PCDHGA5: variants seen among roughly 807,000 people sequenced by gnomAD.
PCDHGA5 encodes protocadherin gamma subfamily A, 5, also known as protocadherin gamma-A5.
Under a neutral mutation model 56.7 loss-of-function variants are expected in PCDHGA5, and 36 were observed. The ratio of observed to expected loss-of-function variants is 0.64; its 90% CI spans 0.49 to 0.84. PCDHGA5 has a LOEUF of 0.84. Among genes scored for constraint, PCDHGA5 ranks in the 40% least tolerant of loss-of-function variants. The pLI, the probability that PCDHGA5 is intolerant of heterozygous loss-of-function variation, is 0.00. For synonymous variants in PCDHGA5, 563 were observed against 520.2 expected, an observed-to-expected ratio of 1.08 and a Z score of -1.12; for missense variants, 1,305 against 1,201.5, an observed-to-expected ratio of 1.09 and a Z score of -1.27.
At chr5:141,475,512 C>A (rs2099364350) in intron 1 of PCDHGA5, among the ~76,000 whole-genome samples, 2 of 152,326 alleles carry the variant, frequency 1.3e-5, no homozygotes, top group South Asian at 4.1e-4. Context: ...AATGTCTCCA[C>A]GGAAATGCTA....
At position 141,390,471 on chromosome 5, in the gene PCDHGA5, G is replaced by C. The variant is rs969771801; in HGVS notation, c.2421+23720G>C. The C allele has an allele frequency of 7.2e-6, 5 of 697,624 alleles. No homozygotes were observed. The African/African-American group carries it at 9.0e-5, about 13-fold the overall frequency. The allele number at this position is 697,624 out of a possible 1,614,324, so 43.2% of individuals were successfully genotyped here. On this transcript the variant is annotated intron_variant, in intron 1 of 3. Coordinates refer to ENST00000518069, the MANE Select transcript of PCDHGA5 (RefSeq NM_018918.3). ...GGAGTAAAGTAGGAGCAATTGTGTG[G>C]CCCAACATTTGTTTGTTTTTTAGCC... is the stretch of plus-strand genomic sequence containing the variant.
chr5:141,483,472 T>C (rs1457039859), intron 1 of PCDHGA5, among the ~76,000 whole-genome samples: 2 of 152,076 alleles, frequency 1.3e-5, no homozygotes, highest in Non-Finnish European at 2.9e-5. Flanking sequence ...TGACATGATA[T>C]AGGAAGTGAG....
At chr5:141,395,345 A>G in intron 1 of PCDHGA5, 1 of 1,399,052 alleles carries the variant, frequency 7.1e-7, no homozygotes, top group South Asian at 1.5e-5. Flanking sequence ...TTTAAGGTGT[A>G]TCACAGAGTT....
intron 1 of PCDHGA5, chr5:141,409,838 G>A: frequency 1.2e-6 from 2 of 1,611,532 alleles, no homozygotes; most frequent in Non-Finnish European, 1.7e-6. Context: ...CAGCGCCAAC[G>A]TGAGCCTGCG....
At chr5:141,406,173 T>C (rs1317526026) in intron 1 of PCDHGA5, among the ~76,000 whole-genome samples, 2 of 151,712 alleles carry the variant, frequency 1.3e-5, no homozygotes, top group African/African-American at 4.8e-5. Context: ...CCTGGGCTTA[T>C]GCAATCCTCC....
rs755602367 is a variant in PCDHGA5, at chr5:141,415,231, G to A, written c.2421+48480G>A. ...GGACCTCGGCAGCTTCGAGTCTCCA[G>A]CTAACTCTGAAACCTCAGACCTCAC... On this transcript the variant is annotated intron_variant, in intron 1 of 3. Transcript: ENST00000518069. 2.1e-5 allele frequency: 34 copies of A among 1,614,042 alleles called. No homozygotes were observed. The South Asian group carries it at 3.2e-4, about 15-fold the overall frequency.
At chr5:141,400,097 A>C (rs753507768) in intron 1 of PCDHGA5, 1 of 1,614,048 alleles carries the variant, frequency 6.2e-7, no homozygotes, top group South Asian at 1.1e-5. Context: ...GCCACGCTGC[A>C]CTTGGTCTTT....
intron 1 of PCDHGA5, among the ~76,000 whole-genome samples, chr5:141,452,072 G>A (rs550370876): frequency 1.3e-5 from 2 of 152,272 alleles, no homozygotes; most frequent in East Asian, 1.9e-4. Flanking sequence ...ACTTTTATTA[G>A]TTGGCATTAT....
At chr5:141,510,132 G>A (rs920772998) in intron 3 of PCDHGA5, among the ~76,000 whole-genome samples, 2 of 152,120 alleles carry the variant, frequency 1.3e-5, no homozygotes, top group African/African-American at 4.8e-5. Context: ...AAATTAGCTG[G>A]GCTAGTGGTG....
At chr5:141,398,698 T>C (rs2093690457) in intron 1 of PCDHGA5, 2 of 1,613,680 alleles carry the variant, frequency 1.2e-6, no homozygotes, top group Admixed American at 1.7e-5. Flanking sequence ...TGGTAGTAAA[T>C]ACCCGGAACT....
intron 2 of PCDHGA5, among the ~76,000 whole-genome samples, chr5:141,499,772 C>T (rs1217675128): frequency 1.0e-4 from 15 of 147,946 alleles, no homozygotes; most frequent in Admixed American, 9.0e-4. Context: ...CTGCAGCCTT[C>T]GCCTCCCGGG....
chr5:141,365,660 G>A lies in PCDHGA5; in HGVS notation c.1330G>A (p.Asp444Asn), dbSNP rs752963380. The A allele has an allele frequency of 1.2e-6, 2 of 1,613,380 alleles. No homozygotes were observed. The highest frequency in any genetic ancestry group is 1.7e-6 in the Non-Finnish European group (2 of 1,179,784). The part of the protein sequence containing the change: ...TESHIPLKVA[D>N]VNDNPPNFPQ... Reference sequence around the variant, plus strand: ...AAGCCACATCCCCTTGAAAGTAGCAGACGTTAATGACAACCCACCCAATTT... The same window carrying A: ...AAGCCACATCCCCTTGAAAGTAGCAAACGTTAATGACAACCCACCCAATTT... The change falls in exon 1 of 4, where the codon GAC becomes AAC. Residue 444 changes from aspartate (D) to asparagine (N), a missense_variant. Physicochemically the swap from Asp to Asn is conservative, Grantham distance 23 (BLOSUM62 1). Transcript: ENST00000518069.
intron 3 of PCDHGA5, 133 bp downstream of exon 3, chr5:141,505,614 AC>A: frequency 6.6e-7 from 1 of 1,510,758 alleles, no homozygotes; most frequent in Non-Finnish European, 8.9e-7. Flanking sequence ...GTCTGAAAGG[AC>A]CCACAATTCC....
chr5:141,458,949 T>A (rs948180008), intron 1 of PCDHGA5, among the ~76,000 whole-genome samples: 1 of 151,814 alleles, frequency 6.6e-6, no homozygotes, highest in East Asian at 1.9e-4. Flanking sequence ...CTTAGGTTGG[T>A]CACAAATTCA....
intron 1 of PCDHGA5, chr5:141,388,406 C>T (rs770065402): frequency 1.9e-6 from 3 of 1,613,842 alleles, no homozygotes; most frequent in Non-Finnish European, 2.5e-6. Context: ...AACTCAGTCC[C>T]AGTGATCATT....
At position 141,487,025 on chromosome 5, in the gene PCDHGA5, C is replaced by T. The variant is rs769789352; in HGVS notation, c.2422-7782C>T. On this transcript the variant is annotated intron_variant, in intron 1 of 3. Transcript: ENST00000518069. This position sits in a 1 kb window ranked among gnomAD's most constrained non-coding sequence, Gnocchi z 5.0. ...GCTCCTGGAGGCCCCAGATCCCAGCCTGTTTGCAGTCTCTCGATATGCTGG... is the reference window on the plus strand; with the variant it reads ...GCTCCTGGAGGCCCCAGATCCCAGCTTGTTTGCAGTCTCTCGATATGCTGG... 1.9e-6 allele frequency: 3 copies of T among 1,614,216 alleles called. No homozygotes were observed. Among genetic ancestry groups the T allele is most frequent in the Non-Finnish European group, 2.5e-6 (3 of 1,180,050 alleles).
chr5:141,388,889 C>A, intron 1 of PCDHGA5: 2 of 1,613,954 alleles, frequency 1.2e-6, no homozygotes, highest in Non-Finnish European at 1.7e-6. Flanking sequence ...AGGTAGAAGT[C>A]ATAGATGAAA....
At chr5:141,405,261 T>A (rs1445565178) in intron 1 of PCDHGA5, 1 of 1,613,852 alleles carries the variant, frequency 6.2e-7, no homozygotes, top group South Asian at 1.1e-5. Context: ...CACCTGATCT[T>A]CCCCCAGCCC....
chr5:141,455,343 G>T (rs1462807460), intron 1 of PCDHGA5, among the ~76,000 whole-genome samples: 1 of 152,036 alleles, frequency 6.6e-6, no homozygotes, highest in Non-Finnish European at 1.5e-5. Flanking sequence ...TTTAAGGAGC[G>T]GAGAGTTTAA....
Sources: gnomAD v4.1 joint callset for allele counts (sites outside exome capture counted in the v4.1 genomes callset) on GRCh38, gnomAD v4.1.1 for gene constraint, Gnocchi (gnomAD v3.1) non-coding constraint, MANE v1.5 for transcripts, NCBI Gene and HGNC (gene_info 2026-07-23, HGNC 2026-07-21) for gene names.